Variants in EDNRA observed in about 807,000 individuals in gnomAD.
EDNRA encodes endothelin receptor type A.
EDNRA carries 11 observed loss-of-function variants against 41.4 expected under a neutral mutation model. The ratio of observed to expected loss-of-function variants is 0.27; its 90% CI spans 0.17 to 0.44. The LOEUF is 0.44. EDNRA is among the 20% of genes least tolerant of loss of function. The pLI is 1.00. For synonymous variants in EDNRA, 172 were observed against 183.0 expected (o/e 0.94, Z 0.49); for missense variants, 294 against 531.0 (o/e 0.55, Z 4.39).
At chr4:147,487,740 T>C (rs1728996643) in intron 2 of EDNRA, among the ~76,000 whole-genome samples, 2 of 152,208 alleles carry the variant, frequency 1.3e-5, no homozygotes, top group Non-Finnish European at 2.9e-5. Context: ...GTACACTGTT[T>C]CCAAAATTGA....
chr4:147,503,882 ATATT>A (rs1243773132), intron 2 of EDNRA, among the ~76,000 whole-genome samples: 1 of 152,150 alleles, frequency 6.6e-6, no homozygotes, highest in African/African-American at 2.4e-5. Context: ...TTTATAAAAA[ATATT>A]TATTAATTTT....
Position 147,536,418 on chromosome 4 carries a change from A to AAT in EDNRA, c.900+393_900+394dup, listed in dbSNP as rs146381605. ...TAAAATATGCATGCAAAACAACTGGAATATAGAACCACAGGTGTGGTAAAA... is the reference window on the plus strand; with the variant it reads ...TAAAATATGCATGCAAAACAACTGGAATATATAGAACCACAGGTGTGGTAAAA... On this transcript the variant is annotated intron_variant, in intron 5 of 7. Coordinates refer to ENST00000651419, the MANE Select transcript of EDNRA (RefSeq NM_001957.4). Among the ~76,000 whole-genome samples, 304 of 152,276 alleles carry AAT rather than the reference A, an allele frequency of 2.0e-3. 1 individual carries two copies. The highest frequency in any genetic ancestry group is 6.8e-3 in the African/African-American group (284 of 41,556).
intron 6 of EDNRA, 42 bp from the exon 7 acceptor site, chr4:147,540,335 C>A: frequency 6.9e-7 from 1 of 1,443,716 alleles, no homozygotes; most frequent in Non-Finnish European, 9.5e-7. Context: ...GATTTTAAAA[C>A]AATATATTCT....
At chr4:147,516,955 G>T (rs1026871347) in intron 2 of EDNRA, among the ~76,000 whole-genome samples, 8 of 151,276 alleles carry the variant, frequency 5.3e-5, no homozygotes, top group African/African-American at 1.5e-4. Flanking sequence ...AGTACTAAAA[G>T]ATATTATTTC....
At position 147,486,031 on chromosome 4, in the gene EDNRA, C is replaced by T. The variant is rs146147419; in HGVS notation, c.350C>T (p.Ala117Val). The change falls in exon 2 of 8, where the codon GCG becomes GTG. Residue 117 changes from alanine (A) to valine (V), a missense_variant. Physicochemically the swap from Ala to Val is moderately conservative, Grantham distance 64 (BLOSUM62 0). Coordinates refer to ENST00000651419, the MANE Select transcript of EDNRA (RefSeq NM_001957.4). This position sits in a 1 kb window ranked among gnomAD's most constrained non-coding sequence, Gnocchi z 4.3. ...QNKCMRNGPNALIASLALGDL... is the reference protein window; with the variant it reads ...QNKCMRNGPNVLIASLALGDL... ...AAATGTATGAGGAATGGCCCCAACG[C>T]GCTGATAGCCAGTCTTGCCCTTGGA... The T allele has an allele frequency of 1.9e-5, 31 of 1,614,118 alleles. No homozygotes were observed. The highest frequency in any genetic ancestry group is 1.6e-4 in the Middle Eastern group (1 of 6,084).
rs1729828685 is a variant in EDNRA, at chr4:147,508,993, G to A, written c.421-10858G>A. Among the ~76,000 whole-genome samples the A allele has an allele frequency of 2.6e-5, 4 of 152,240 alleles. No individual in the cohort carries two copies. In the South Asian group the frequency reaches 8.3e-4, roughly 32 times the overall value. ...TTGTTAGTTTCCTTGGATTTGGATA[G>A]GAATTGCATTGACCCTTTAGGTGAA... On this transcript the variant is annotated intron_variant, in intron 2 of 7. Transcript: ENST00000651419.
At chr4:147,492,779 T>C (rs60148152) in intron 2 of EDNRA, 11 of 151,966 alleles carry the variant, frequency 7.2e-5, no homozygotes, top group African/African-American at 2.7e-4. Context: ...TATGTACATA[T>C]AAAATGACAG....
At chr4:147,527,713 C>G (rs2126464650) in intron 3 of EDNRA, among the ~76,000 whole-genome samples, 1 of 152,280 alleles carries the variant, frequency 6.6e-6, no homozygotes, top group Middle Eastern at 3.4e-3. Context: ...TTTATAGGCA[C>G]ACGCACTAAC....
At chr4:147,529,304 A>C (rs776565689) in intron 3 of EDNRA, among the ~76,000 whole-genome samples, 21 of 152,100 alleles carry the variant, frequency 1.4e-4, no homozygotes, top group Non-Finnish European at 3.1e-4. Context: ...AGGCAGTTGG[A>C]GGTACAAGTC....
In EDNRA at chr4:147,532,856, G is replaced by A. The variant is rs1205570801; in HGVS notation, c.747+152G>A. On this transcript the variant is annotated intron_variant, in intron 4 of 7. Coordinates refer to ENST00000651419, the MANE Select transcript of EDNRA (RefSeq NM_001957.4). ...TGCATGAAAAGTAGATGTTAAACCT[G>A]TGTCTAGATTCTTGAATAGAACAGT... is the stretch of plus-strand genomic sequence containing the variant. 5 of 767,176 alleles carry A rather than the reference G, an allele frequency of 6.5e-6. No individual in the cohort carries two copies. In the Admixed American group the frequency reaches 1.3e-4, roughly 19 times the overall value. The allele number at this position is 767,176 out of a possible 1,614,324, so 47.5% of individuals were successfully genotyped here.
In EDNRA at chr4:147,519,204, A is replaced by G. The variant is rs534179492; in HGVS notation, c.421-647A>G. Among the ~76,000 whole-genome samples, 22 of 152,364 alleles carry G rather than the reference A, an allele frequency of 1.4e-4. No individual in the cohort carries two copies. The highest frequency in any genetic ancestry group is 3.9e-4 in the Admixed American group (6 of 15,296). On this transcript the variant is annotated intron_variant, in intron 2 of 7. Transcript: ENST00000651419. The surrounding 1 kb of genome is among the most constrained non-coding windows in gnomAD (Gnocchi z 4.1). ...CTACTGAAGCAGAGTCAGCCCCTTA[A>G]GCACAGAGGAAAATGTAAGTTCAAA...
At position 147,495,124 on chromosome 4, in the gene EDNRA, G is replaced by A. The variant is rs552603002; in HGVS notation, c.420+9023G>A. 7.2e-5 allele frequency: 11 copies of A among 152,210 alleles called. No homozygotes were observed. The East Asian group carries it at 2.1e-3, about 29-fold the overall frequency. The allele number at this position is 152,210 out of a possible 1,614,324, so 9.4% of individuals were successfully genotyped here. ...AACAAATCTATGACATGCTACTGTT[G>A]CCTGAATGATAATATGAAAAAAGTG... On this transcript the variant is annotated intron_variant, in intron 2 of 7. Transcript: ENST00000651419.
chr4:147,526,699 C>A (rs777314816), intron 3 of EDNRA, among the ~76,000 whole-genome samples: 27 of 152,212 alleles, frequency 1.8e-4, no homozygotes, highest in Non-Finnish European at 4.0e-4. Context: ...AGTGGCTCAG[C>A]CTTAGGAGGC....
At position 147,542,581 on chromosome 4, in the gene EDNRA, A is replaced by G. The variant is rs1420008805; in HGVS notation, c.1247A>G (p.Asn416Ser). The change falls in exon 8 of 8, where the codon AAC becomes AGC. Residue 416 changes from asparagine to serine, a missense_variant. By Grantham distance (46) the Asn-to-Ser change is conservative. This residue lies in a region of EDNRA where 19 missense variants were observed against 17.4 expected (regional missense o/e 1.09). Transcript: ENST00000651419. Reference sequence around the variant, plus strand: ...AAGAACCACGATCAAAACAACCACAACACAGACCGGAGCAGCCATAAGGAC... The same window carrying G: ...AAGAACCACGATCAAAACAACCACAGCACAGACCGGAGCAGCCATAAGGAC... ...QWKNHDQNNH[N>S]TDRSSHKDSM... 1 of 1,614,042 alleles carries G rather than the reference A, an allele frequency of 6.2e-7. No individual in the cohort carries two copies. The highest frequency in any genetic ancestry group is 8.5e-7 in the Non-Finnish European group (1 of 1,179,988).
At chr4:147,505,846 C>T (rs1375148854) in intron 2 of EDNRA, among the ~76,000 whole-genome samples, 1 of 151,910 alleles carries the variant, frequency 6.6e-6, no homozygotes, top group Non-Finnish European at 1.5e-5. Context: ...GACGGGGTTT[C>T]ACCGTGTCAG....
chr4:147,536,079 A>G lies in EDNRA; in HGVS notation c.900+50A>G, dbSNP rs771325102. 4 of 1,599,430 alleles carry G rather than the reference A, an allele frequency of 2.5e-6. No homozygotes were observed. In the South Asian group the frequency reaches 4.4e-5, roughly 18 times the overall value. ...TCTGGCCAGGACTGGTTAGTCCTTG[A>G]CAGCAGCAGGCCTGCAAATACCATC... is the stretch of plus-strand genomic sequence containing the variant. On this transcript the variant is annotated intron_variant, in intron 5 of 7. Transcript: ENST00000651419.
chr4:147,483,536 T>C (rs1032739438), intron 1 of EDNRA, among the ~76,000 whole-genome samples: 1 of 152,156 alleles, frequency 6.6e-6, no homozygotes, highest in African/African-American at 2.4e-5. Context: ...TATCCAATAC[T>C]CGCACTTTAT....
At chr4:147,496,286 C>T (rs1045457355) in intron 2 of EDNRA, among the ~76,000 whole-genome samples, 1 of 152,246 alleles carries the variant, frequency 6.6e-6, no homozygotes, top group East Asian at 1.9e-4. Flanking sequence ...ATCTAGAATA[C>T]AGCAAAGTTT....
intron 3 of EDNRA, among the ~76,000 whole-genome samples, chr4:147,531,212 A>G (rs1303119393): frequency 6.6e-6 from 1 of 152,250 alleles, no homozygotes; most frequent in East Asian, 1.9e-4. Flanking sequence ...CATTTATGTT[A>G]TATACTCTGT....
Sources: gnomAD v4.1 joint callset for allele counts (sites outside exome capture counted in the v4.1 genomes callset) on GRCh38, gnomAD v4.1.1 for gene constraint, gnomAD v4.1.1 regional missense constraint, Gnocchi (gnomAD v3.1) non-coding constraint, MANE v1.5 for transcripts, NCBI Gene and HGNC (gene_info 2026-07-23, HGNC 2026-07-21) for gene names.